ARHGAP6: variants seen among roughly 807,000 people sequenced by gnomAD.
ARHGAP6 encodes the protein Rho GTPase activating protein 6, also known as rho GTPase-activating protein 6.
Under a neutral mutation model 55.7 loss-of-function variants are expected in ARHGAP6, and 16 were observed. That is an observed-to-expected ratio of 0.29 (90% CI 0.19 to 0.44). The LOEUF (loss-of-function observed/expected upper bound fraction) is 0.44. Ranked by LOEUF, ARHGAP6 falls within the 20% of genes least tolerant of loss-of-function variation. The pLI is 1.00. For missense variants in ARHGAP6, 698 were observed against 808.9 expected (o/e 0.86, Z 1.66); for synonymous variants, 382 against 360.9 (o/e 1.06, Z -0.66).
At chrX:11,540,723 T>G (rs1414927011) in intron 1 of ARHGAP6, among the ~76,000 whole-genome samples, 2 of 112,456 alleles carry the variant, frequency 1.8e-5, no homozygotes, top group Non-Finnish European at 3.7e-5. Context: ...AGTGTACTTC[T>G]GTAAAGAAGA....
At chrX:11,645,758 G>A (rs145500300) in intron 1 of ARHGAP6, among the ~76,000 whole-genome samples, 1,798 of 111,335 alleles carry the variant, frequency 0.016, 32 homozygotes, top group African/African-American at 0.055. Flanking sequence ...AGAGGAGTAG[G>A]AACAAAGAAG....
chrX:11,149,889 A>G (rs181100779), intron 10 of ARHGAP6, among the ~76,000 whole-genome samples: 6 of 112,039 alleles, frequency 5.4e-5, no homozygotes, highest in African/African-American at 1.3e-4. Flanking sequence ...AGACTAGTAC[A>G]GATCTTCAAC....
chrX:11,604,046 T>G (rs375263433), intron 1 of ARHGAP6, among the ~76,000 whole-genome samples: 188 of 111,564 alleles, frequency 1.7e-3, no homozygotes, highest in Admixed American at 6.2e-3. Context: ...AGTAAGTACC[T>G]GGAGCATGCT....
At chrX:11,211,789 C>A (rs926000005) in intron 2 of ARHGAP6, among the ~76,000 whole-genome samples, 15 of 112,084 alleles carry the variant, frequency 1.3e-4, no homozygotes, top group African/African-American at 4.9e-4. Context: ...GATCCACCCA[C>A]CTTGGCCTCC....
chrX:11,146,053 C>G (rs770132680), intron 10 of ARHGAP6, among the ~76,000 whole-genome samples: 1 of 112,253 alleles, frequency 8.9e-6, no homozygotes, highest in African/African-American at 3.2e-5. Flanking sequence ...ATTGGCTGCC[C>G]TGGGAGTGAA....
At chrX:11,420,002 C>T (rs754774402) in intron 1 of ARHGAP6, among the ~76,000 whole-genome samples, 20 of 111,215 alleles carry the variant, frequency 1.8e-4, no homozygotes, top group Non-Finnish European at 3.2e-4. Flanking sequence ...GACAAGTATC[C>T]GAAGAGAAGA....
rs188869782 is a variant in ARHGAP6 at position 11,354,035 on chromosome X, A to G, written c.589-99328T>C. Among the ~76,000 whole-genome samples the G allele has an allele frequency of 1.9e-3, 205 of 110,524 alleles. 1 individual carries two copies. Among genetic ancestry groups the G allele is most frequent in the African/African-American group, 6.5e-3 (196 of 30,370 alleles). On this transcript the variant is annotated intron_variant, in intron 1 of 12. Coordinates refer to ENST00000337414, the MANE Select transcript of ARHGAP6 (RefSeq NM_013427.3). ...CCTGCTGGCTATTAAATGGTTATGTAGAAGAATTTGCTCTTTCATACAACC... is the reference window on the plus strand; with the variant it reads ...CCTGCTGGCTATTAAATGGTTATGTGGAAGAATTTGCTCTTTCATACAACC...
chrX:11,651,683 T>C (rs2052585893), intron 1 of ARHGAP6, among the ~76,000 whole-genome samples: 2 of 112,037 alleles, frequency 1.8e-5, no homozygotes, highest in Non-Finnish European at 3.8e-5. Context: ...GGTTAGATGG[T>C]AATTCTGTCT....
At chrX:11,233,204 T>C (rs991313467) in intron 2 of ARHGAP6, among the ~76,000 whole-genome samples, 1 of 112,614 alleles carries the variant, frequency 8.9e-6, no homozygotes, top group African/African-American at 3.2e-5. Flanking sequence ...TTTTGTCTTA[T>C]ATCATTTTAA....
At chrX:11,578,132 GA>G (rs1223059395) in intron 1 of ARHGAP6, among the ~76,000 whole-genome samples, 1 of 111,683 alleles carries the variant, frequency 9.0e-6, no homozygotes, top group Non-Finnish European at 1.9e-5. Context: ...GTCTAGAGTG[GA>G]AAAGATGTAA....
In ARHGAP6 at chrX:11,467,620, A is replaced by G. The variant is rs377639871; in HGVS notation, c.588+196621T>C. Among the ~76,000 whole-genome samples, 22 of 111,924 alleles carry G rather than the reference A, an allele frequency of 2.0e-4. No homozygotes were observed. In the South Asian group the frequency reaches 7.9e-3, roughly 40 times the overall value. ...CACTGAGGCTGAAACTCACAAATAT[A>G]ACGATAAGCAAAGAATCAGACACAA... On this transcript the variant is annotated intron_variant, in intron 1 of 12. Coordinates refer to ENST00000337414, the MANE Select transcript of ARHGAP6 (RefSeq NM_013427.3).
intron 1 of ARHGAP6, among the ~76,000 whole-genome samples, chrX:11,631,532 A>T (rs963292554): frequency 9.0e-6 from 1 of 110,938 alleles, no homozygotes; most frequent in African/African-American, 3.3e-5. Context: ...GTCTAAAAAA[A>T]AAAAAAGTAA....
In ARHGAP6 at chrX:11,342,405, C is replaced by T. The variant is rs756845801; in HGVS notation, c.589-87698G>A. Among the ~76,000 whole-genome samples the T allele has an allele frequency of 8.0e-5, 9 of 111,948 alleles. No homozygotes were observed. The East Asian group carries it at 8.3e-4, about 10-fold the overall frequency. ...CACAATTAAAAATTTGCACATTGGA[C>T]GCTATAGTCTGGATCCTCTTCAGGA... On this transcript the variant is annotated intron_variant, in intron 1 of 12. Transcript: ENST00000337414.
At chrX:11,500,904 T>C (rs2050671773) in intron 1 of ARHGAP6, among the ~76,000 whole-genome samples, 1 of 110,752 alleles carries the variant, frequency 9.0e-6, no homozygotes, top group Admixed American at 9.7e-5. Context: ...ACATGATTCA[T>C]GAAACACCCA....
chrX:11,360,186 G>T (rs1216629391), intron 1 of ARHGAP6, among the ~76,000 whole-genome samples: 3 of 111,482 alleles, frequency 2.7e-5, no homozygotes, highest in Non-Finnish European at 5.7e-5. Flanking sequence ...TACCAAAGCC[G>T]GGCAGAGACA....
At chrX:11,301,210 G>C (rs758319153) in intron 1 of ARHGAP6, among the ~76,000 whole-genome samples, 15 of 111,897 alleles carry the variant, frequency 1.3e-4, no homozygotes, top group African/African-American at 4.9e-4. Context: ...ATGAAATTAT[G>C]TGATATGCAT....
chrX:11,647,495 A>G (rs1427360582), intron 1 of ARHGAP6, among the ~76,000 whole-genome samples: 1 of 112,176 alleles, frequency 8.9e-6, no homozygotes. Context: ...CTTCCCATGT[A>G]ATGGAAAAAA....
At chrX:11,633,917 C>G (rs1430526454) in intron 1 of ARHGAP6, among the ~76,000 whole-genome samples, 1 of 111,402 alleles carries the variant, frequency 9.0e-6, no homozygotes, top group African/African-American at 3.3e-5. Context: ...TTCTGTAAAA[C>G]AGCATTTATA....
At chrX:11,602,556 G>A (rs768276806) in intron 1 of ARHGAP6, among the ~76,000 whole-genome samples, 10 of 112,797 alleles carry the variant, frequency 8.9e-5, no homozygotes. Context: ...ATAACTGATT[G>A]GTTAGGTCTA....
Sources: allele counts gnomAD v4.1 joint callset (sites outside exome capture counted in the v4.1 genomes callset), GRCh38; gene constraint gnomAD v4.1.1; transcripts MANE v1.5; gene names NCBI Gene and HGNC (gene_info 2026-07-23, HGNC 2026-07-21).